Variants in RANBP2 observed in about 807,000 individuals in gnomAD.
The protein encoded by RANBP2 is RAN binding protein 2, also known as E3 SUMO-protein ligase RanBP2.
In RANBP2, 57 loss-of-function variants were observed where a neutral mutation model predicts 303.6. That is an observed-to-expected ratio of 0.19 (90% confidence interval 0.15 to 0.23). RANBP2 has a LOEUF of 0.23. Among genes scored for constraint, RANBP2 ranks in the 10% least tolerant of loss-of-function variants. The pLI, the probability that RANBP2 is intolerant of heterozygous loss-of-function variation, is 1.00. For synonymous variants in RANBP2, 1,167 were observed against 1,301.5 expected, an observed-to-expected ratio of 0.90 and a Z score of 2.23; for missense variants, 3,138 against 3,780.8, an observed-to-expected ratio of 0.83 and a Z score of 4.46.
the RANBP2 span, among the ~76,000 whole-genome samples, chr2:109,115,532 A>G: frequency 6.7e-6 from 1 of 150,042 alleles, no homozygotes; most frequent in Non-Finnish European, 1.5e-5. Flanking sequence ...GTCTCTGCAC[A>G]TGAGATAGGT....
the RANBP2 span, among the ~76,000 whole-genome samples, chr2:109,542,325 T>C: frequency 0.064 from 9,794 of 152,216 alleles, 748 homozygotes; most frequent in East Asian, 0.24. Flanking sequence ...GGAGTGAGGC[T>C]TTCTCACAGC....
the RANBP2 span, among the ~76,000 whole-genome samples, chr2:109,620,733 C>G: frequency 2.6e-5 from 4 of 151,964 alleles, no homozygotes; most frequent in African/African-American, 7.3e-5. Context: ...AGTTTCCTTA[C>G]AAGCTGACTC....
chr2:109,598,607 C>A, the RANBP2 span, among the ~76,000 whole-genome samples: 1 of 152,052 alleles, frequency 6.6e-6, no homozygotes, highest in East Asian at 2.0e-4. Context: ...CTTTGGGAGG[C>A]TGAGGCAGGT....
chr2:109,061,809 G>T, the RANBP2 span, among the ~76,000 whole-genome samples: 1 of 152,140 alleles, frequency 6.6e-6, no homozygotes, highest in African/African-American at 2.4e-5. Context: ...TTTAAGGTCT[G>T]GTGGGCCCGT....
At chr2:109,120,599 C>T in the RANBP2 span, among the ~76,000 whole-genome samples, 1 of 148,794 alleles carries the variant, frequency 6.7e-6, no homozygotes, top group Non-Finnish European at 1.5e-5. Context: ...ATCAAAAAGG[C>T]CTCCATGTGG....
chr2:109,372,787 T>C, the RANBP2 span, among the ~76,000 whole-genome samples: 1 of 152,004 alleles, frequency 6.6e-6, no homozygotes, highest in Non-Finnish European at 1.5e-5. Flanking sequence ...GCTCCATGTG[T>C]CCCCCCTGCC....
chr2:109,191,563 C>T, the RANBP2 span, among the ~76,000 whole-genome samples: 1 of 152,204 alleles, frequency 6.6e-6, no homozygotes. Context: ...GACGCTGCCT[C>T]CCACATTATG....
the RANBP2 span, chr2:109,565,689 C>G: frequency 3.9e-6 from 5 of 1,269,872 alleles, no homozygotes; most frequent in Non-Finnish European, 5.8e-6. Context: ...AGCATCACCC[C>G]AAAGAAGGCA....
the RANBP2 span, among the ~76,000 whole-genome samples, chr2:109,370,383 G>C: frequency 6.6e-6 from 1 of 152,044 alleles, no homozygotes. Flanking sequence ...GGGACTACAG[G>C]TGCCTGCCAC....
chr2:109,615,552 G>A, the RANBP2 span: 1 of 1,614,040 alleles, frequency 6.2e-7, no homozygotes, highest in Non-Finnish European at 8.5e-7. Context: ...CGGCCACGTG[G>A]AGGTGGTGAA....
chr2:109,214,540 A>G, the RANBP2 span, among the ~76,000 whole-genome samples: 7 of 152,158 alleles, frequency 4.6e-5, no homozygotes, highest in African/African-American at 1.7e-4. Flanking sequence ...TGAGACAAGG[A>G]CTAAGAAATT....
At chr2:109,083,398 C>T in the RANBP2 span, among the ~76,000 whole-genome samples, 7 of 152,288 alleles carry the variant, frequency 4.6e-5, no homozygotes, top group East Asian at 9.7e-4. Context: ...CAGTATTTGT[C>T]GTTTAGTGAC....
At chr2:109,763,113 GGTAA>G in the RANBP2 span, among the ~76,000 whole-genome samples, 1 of 149,938 alleles carries the variant, frequency 6.7e-6, no homozygotes, top group Non-Finnish European at 1.5e-5. Context: ...TCCTGGAAAG[GGTAA>G]GTAAGTGGTA....
At chr2:108,935,394 C>T in the RANBP2 span, among the ~76,000 whole-genome samples, 9 of 152,170 alleles carry the variant, frequency 5.9e-5, no homozygotes, top group Non-Finnish European at 1.3e-4. Context: ...AATCTCAGCC[C>T]CGCCCAGACC....
chr2:109,403,080 T>G, the RANBP2 span, among the ~76,000 whole-genome samples: 1 of 152,214 alleles, frequency 6.6e-6, no homozygotes, highest in African/African-American at 2.4e-5. Flanking sequence ...GGTTTTGCTC[T>G]TTCTTTGGTG....
chr2:108,729,115 C>G lies in RANBP2; in HGVS notation c.73-17C>G, dbSNP rs751011002. ...TATTTCTGTATGAAAAGTAAAACAACTTTTAATTTTTTTTAGAAGTCAATG... is the reference window on the plus strand; with the variant it reads ...TATTTCTGTATGAAAAGTAAAACAAGTTTTAATTTTTTTTAGAAGTCAATG... On this transcript the variant is annotated splice_polypyrimidine_tract_variant and intron_variant, in intron 1 of 28. Coordinates refer to ENST00000283195, the MANE Select transcript of RANBP2 (RefSeq NM_006267.5). The G allele has an allele frequency of 1.3e-6, 2 of 1,567,824 alleles. No homozygotes were observed. Among genetic ancestry groups the G allele is most frequent in the African/African-American group, 2.7e-5 (2 of 74,176 alleles).
At chr2:109,410,787 A>G in the RANBP2 span, among the ~76,000 whole-genome samples, 2 of 152,220 alleles carry the variant, frequency 1.3e-5, no homozygotes, top group Admixed American at 6.5e-5. Flanking sequence ...TTTCCTGGGC[A>G]TGGGCTGCTA....
the RANBP2 span, among the ~76,000 whole-genome samples, chr2:109,250,820 C>A: frequency 6.6e-6 from 1 of 151,818 alleles, no homozygotes; most frequent in Non-Finnish European, 1.5e-5. Context: ...AATTTTGAAG[C>A]CCTGGGAAAT....
the RANBP2 span, among the ~76,000 whole-genome samples, chr2:109,009,141 C>T: frequency 1.3e-5 from 2 of 151,812 alleles, no homozygotes; most frequent in Non-Finnish European, 1.5e-5. Flanking sequence ...AGATCAAGAC[C>T]ATCCTGCCTA....
Sources: allele counts gnomAD v4.1 joint callset (sites outside exome capture counted in the v4.1 genomes callset), GRCh38; gene constraint gnomAD v4.1.1; transcripts MANE v1.5; gene names NCBI Gene and HGNC (gene_info 2026-07-23, HGNC 2026-07-21).